KIAA1328: variants seen among roughly 807,000 people sequenced by gnomAD.
KIAA1328 encodes the protein protein hinderin.
KIAA1328 carries 52 observed loss-of-function variants against 68.1 expected under a neutral mutation model. The ratio of observed to expected loss-of-function variants is 0.76; its 90% CI spans 0.61 to 0.96. The LOEUF (loss-of-function observed/expected upper bound fraction) is 0.96. KIAA1328 is among the 40% of genes least tolerant of loss of function. The pLI is 0.00. For missense variants in KIAA1328, 641 were observed against 677.6 expected (o/e 0.95, Z 0.60); for synonymous variants, 232 against 239.4 (o/e 0.97, Z 0.28).
intron 7 of KIAA1328, among the ~76,000 whole-genome samples, chr18:37,148,972 G>A (rs2058968105): frequency 6.6e-6 from 1 of 152,026 alleles, no homozygotes; most frequent in Non-Finnish European, 1.5e-5. Flanking sequence ...CTGATAGAAA[G>A]AATCAATATT....
At chr18:36,892,184 C>T (rs956634733) in intron 5 of KIAA1328, among the ~76,000 whole-genome samples, 3 of 151,536 alleles carry the variant, frequency 2.0e-5, no homozygotes, top group Admixed American at 1.3e-4. Flanking sequence ...TCATAGATCT[C>T]GGTGGAGTGG....
chr18:37,099,080 T>C (rs906228554), intron 7 of KIAA1328, among the ~76,000 whole-genome samples: 1 of 152,208 alleles, frequency 6.6e-6, no homozygotes, highest in African/African-American at 2.4e-5. Context: ...TTTCCTTCAA[T>C]TCTGCTCTGA....
chr18:36,903,046 C>T lies in KIAA1328; in HGVS notation c.448+17374C>T, dbSNP rs916794667. ...CTTAGGGGCTACTTAATAATTAATG[C>T]CTTATTCAATTAAAAAATTTTAACC... On this transcript the variant is annotated intron_variant, in intron 5 of 9. Transcript: ENST00000280020. Among the ~76,000 whole-genome samples the T allele has an allele frequency of 2.0e-5, 3 of 151,828 alleles. No homozygotes were observed. In the East Asian group the frequency reaches 5.8e-4, roughly 29 times the overall value.
At chr18:36,915,117 C>T (rs575217879) in intron 5 of KIAA1328, among the ~76,000 whole-genome samples, 2 of 152,266 alleles carry the variant, frequency 1.3e-5, no homozygotes, top group South Asian at 2.1e-4. Context: ...TTAGAAAACT[C>T]ACACTAACCA....
intron 7 of KIAA1328, among the ~76,000 whole-genome samples, chr18:37,093,606 G>A (rs1426348848): frequency 3.3e-5 from 5 of 152,114 alleles, no homozygotes; most frequent in Admixed American, 3.3e-4. Flanking sequence ...AGACAAAAAA[G>A]AAAGAATAGA....
At chr18:36,890,979 A>G (rs1030651482) in intron 5 of KIAA1328, among the ~76,000 whole-genome samples, 2 of 152,214 alleles carry the variant, frequency 1.3e-5, no homozygotes, top group South Asian at 2.1e-4. Flanking sequence ...TTAGGTCTCT[A>G]TCAAAACATG....
rs887847836 is a variant in KIAA1328, at chr18:36,911,767, A to G, written c.448+26095A>G. 4.6e-5 allele frequency among the ~76,000 whole-genome samples: 7 copies of G among 152,274 alleles called. No homozygotes were observed. In the East Asian group the frequency reaches 1.4e-3, roughly 29 times the overall value. On this transcript the variant is annotated intron_variant, in intron 5 of 9. Coordinates refer to ENST00000280020, the MANE Select transcript of KIAA1328 (RefSeq NM_020776.3). Reference sequence around the variant, plus strand: ...TTTTAAAGCCACAATTTATCCCTTTATGGTCTGTGGATATGTAACAGCTTC... The same window carrying G: ...TTTTAAAGCCACAATTTATCCCTTTGTGGTCTGTGGATATGTAACAGCTTC...
At chr18:37,123,547 G>A (rs2058321468) in intron 7 of KIAA1328, among the ~76,000 whole-genome samples, 1 of 152,026 alleles carries the variant, frequency 6.6e-6, no homozygotes, top group Non-Finnish European at 1.5e-5. Flanking sequence ...GCATAAGGAT[G>A]GACATAAGAG....
At chr18:37,099,471 TGC>T (rs2057528655) in intron 7 of KIAA1328, among the ~76,000 whole-genome samples, 1 of 152,238 alleles carries the variant, frequency 6.6e-6, no homozygotes, top group East Asian at 1.9e-4. Flanking sequence ...CTTTTACATT[TGC>T]TGAGGAGTGC....
intron 9 of KIAA1328, among the ~76,000 whole-genome samples, chr18:37,199,387 G>C (rs1439340438): frequency 6.6e-6 from 1 of 152,146 alleles, no homozygotes; most frequent in African/African-American, 2.4e-5. Context: ...CAAGGATAAT[G>C]GCCTCCAGCT....
At chr18:37,150,421 G>C (rs1206299515) in intron 7 of KIAA1328, among the ~76,000 whole-genome samples, 1 of 152,026 alleles carries the variant, frequency 6.6e-6, no homozygotes, top group African/African-American at 2.4e-5. Flanking sequence ...GCAACATTCT[G>C]TCCTCCTACC....
intron 6 of KIAA1328, among the ~76,000 whole-genome samples, chr18:37,039,952 G>A (rs1199217786): frequency 1.3e-5 from 2 of 152,098 alleles, no homozygotes; most frequent in Non-Finnish European, 2.9e-5. Context: ...TTGCAATGTA[G>A]GGCTGAGGTC....
At chr18:37,143,521 CTTT>C (rs57046567) in intron 7 of KIAA1328, among the ~76,000 whole-genome samples, 2,067 of 90,634 alleles carry the variant, frequency 0.023, 8 homozygotes, top group Non-Finnish European at 0.029. Flanking sequence ...TTTTTTCTTT[CTTT>C]TTTTTTTTTT....
chr18:37,113,341 G>T (rs1336941499), intron 7 of KIAA1328, among the ~76,000 whole-genome samples: 1 of 152,132 alleles, frequency 6.6e-6, no homozygotes, highest in African/African-American at 2.4e-5. Flanking sequence ...AGAAGAGAGT[G>T]GGGGCCAATA....
intron 7 of KIAA1328, among the ~76,000 whole-genome samples, chr18:37,089,174 G>A (rs539753458): frequency 3.0e-4 from 46 of 152,118 alleles, no homozygotes; most frequent in African/African-American, 1.1e-3. Flanking sequence ...GTGTGTATGT[G>A]TGTGTTTGAG....
intron 4 of KIAA1328, among the ~76,000 whole-genome samples, chr18:36,884,729 AC>A (rs1160570885): frequency 6.6e-6 from 1 of 152,218 alleles, no homozygotes; most frequent in African/African-American, 2.4e-5. Flanking sequence ...AGAAATAAGT[AC>A]CAGTAACAGA....
Position 37,027,228 on chromosome 18 carries a change from C to G in KIAA1328, c.577-39662C>G, listed in dbSNP as rs1014971531. Among the ~76,000 whole-genome samples the G allele has an allele frequency of 2.0e-5, 3 of 152,200 alleles. No homozygotes were observed. In the East Asian group the frequency reaches 5.8e-4, roughly 29 times the overall value. ...TCAACGAAATAAAAGACGACACAAA[C>G]AAATGGAAGAACATTCCATGCTCAT... On this transcript the variant is annotated intron_variant, in intron 6 of 9. Coordinates refer to ENST00000280020, the MANE Select transcript of KIAA1328 (RefSeq NM_020776.3).
chr18:36,963,719 A>G (rs187509389), intron 6 of KIAA1328, among the ~76,000 whole-genome samples: 2 of 152,274 alleles, frequency 1.3e-5, no homozygotes, highest in African/African-American at 2.4e-5. Context: ...TACATGTTCT[A>G]TTTATGTACT....
chr18:37,039,328 A>G (rs1320509819), intron 6 of KIAA1328, among the ~76,000 whole-genome samples: 1 of 152,072 alleles, frequency 6.6e-6, no homozygotes, highest in Non-Finnish European at 1.5e-5. Flanking sequence ...AAAGACATCT[A>G]GGGCTGAGTT....
Sources: gnomAD v4.1 joint callset for allele counts (sites outside exome capture counted in the v4.1 genomes callset) on GRCh38, gnomAD v4.1.1 for gene constraint, MANE v1.5 for transcripts, NCBI Gene and HGNC (gene_info 2026-07-23, HGNC 2026-07-21) for gene names.